The following ETNK2 variants were observed in gnomAD, a reference collection of about 807,000 sequenced individuals.
ETNK2 encodes ethanolamine kinase-like protein.
Under a neutral mutation model 46.2 loss-of-function variants are expected in ETNK2, and 33 were observed. The observed-to-expected ratio is 0.71, with a 90% CI of 0.54 to 0.96. ETNK2 has a LOEUF of 0.96. Ranked by LOEUF, ETNK2 falls within the 40% of genes least tolerant of loss-of-function variation. The pLI, the probability that ETNK2 is intolerant of heterozygous loss-of-function variation, is 0.00. For synonymous variants in ETNK2, 194 were observed against 209.0 expected (o/e 0.93, Z 0.62); for missense variants, 445 against 509.7 (o/e 0.87, Z 1.22).
At position 204,133,533 on chromosome 1, in the gene ETNK2, T is replaced by A. The variant is rs529135740; in HGVS notation, c.1088+982A>T. Among the ~76,000 whole-genome samples, 596 of 140,380 alleles carry A rather than the reference T, an allele frequency of 4.2e-3. 10 individuals carry two copies. The highest frequency in any genetic ancestry group is 0.016 in the African/African-American group (579 of 37,050). The allele number at this position is 140,380 out of a possible 152,430, so 92.1% of individuals were successfully genotyped here. ...TTTATCATTTCATTTTATTTTATTT[T>A]ATTTTTTTTTTTTTTTGAGACGGAG... On this transcript the variant is annotated intron_variant, in intron 7 of 7. Coordinates refer to ENST00000367202, the MANE Select transcript of ETNK2 (RefSeq NM_018208.4).
At chr1:204,134,804 G>C (rs2102280479) in intron 6 of ETNK2, 1 of 1,096,206 alleles carries the variant, frequency 9.1e-7, no homozygotes, top group South Asian at 1.6e-5. Context: ...GGTGGGCAGA[G>C]CTAGTTCTAC....
Position 204,149,981 on chromosome 1 carries a change from AGTGC to A in ETNK2, c.259-23_259-20del, listed in dbSNP as rs1571636739. ...TGAAGCGCTAGCATGGGGAGAGGAC[AGTGC>A]GTGGGTGGGTGGGTGGGGCAGGATC... is the stretch of plus-strand genomic sequence containing the variant. On this transcript the variant is annotated intron_variant, in intron 1 of 7. Coordinates refer to ENST00000367202, the MANE Select transcript of ETNK2 (RefSeq NM_018208.4). 5 of 116,566 alleles carry A rather than the reference AGTGC, an allele frequency of 4.3e-5. No homozygotes were observed. Among genetic ancestry groups the A allele is most frequent in the Middle Eastern group, 2.6e-3 (1 of 386 alleles). The allele number at this position is 116,566 out of a possible 1,614,324, so 7.2% of individuals were successfully genotyped here.
intron 4 of ETNK2, 39 bp downstream of exon 4, chr1:204,141,276 C>A (rs752705390): frequency 1.9e-6 from 3 of 1,613,882 alleles, no homozygotes; most frequent in South Asian, 1.1e-5. Context: ...ACCAACCAAC[C>A]AAAACCCTGC....
rs947271142 is a variant in ETNK2, at chr1:204,152,009, C to T, written c.-157G>A. 2.6e-6 allele frequency: 2 copies of T among 767,564 alleles called. No individual in the cohort carries two copies. Among genetic ancestry groups the T allele is most frequent in the East Asian group, 3.4e-5 (1 of 29,228 alleles). 47.5% of individuals were successfully genotyped at this position (767,564 alleles called of 1,614,324 possible). A position where few individuals can be genotyped will look rare whatever the true frequency, so the allele number is the denominator to read the frequency against. ...CGCCGGCTCGCGGCCCGCCGCCCACCGCCGACCCCGGAGCGCCGCGGCCCG... is the reference window on the plus strand; with the variant it reads ...CGCCGGCTCGCGGCCCGCCGCCCACTGCCGACCCCGGAGCGCCGCGGCCCG... On this transcript the variant is annotated 5_prime_UTR_variant, in exon 1 of 8. Transcript: ENST00000367202. This position sits in a 1 kb window ranked among gnomAD's most constrained non-coding sequence, Gnocchi z 4.2.
chr1:204,140,177 GT>G, intron 4 of ETNK2, 59 bp from the exon 5 acceptor site: 2 of 1,455,598 alleles, frequency 1.4e-6, no homozygotes, highest in Non-Finnish European at 1.9e-6. Flanking sequence ...ACAGAGCCTG[GT>G]CAAGCTTCCA....
intron 6 of ETNK2, 137 bp downstream of exon 6, chr1:204,136,967 G>C: frequency 8.6e-7 from 1 of 1,161,546 alleles, no homozygotes; most frequent in Non-Finnish European, 1.2e-6. Flanking sequence ...TCACCTCTAG[G>C]GTGGGGTCAG....
chr1:204,140,345 G>A (rs11240680), intron 4 of ETNK2, among the ~76,000 whole-genome samples: 82,565 of 151,658 alleles, frequency 0.54, 25,406 homozygotes, highest in Non-Finnish European at 0.68. Flanking sequence ...CCAGCTCCCA[G>A]TGTCCCTCTC....
In ETNK2 at chr1:204,131,345, G is replaced by A. The variant is rs1483666895; in HGVS notation, c.*839C>T. On this transcript the variant is annotated 3_prime_UTR_variant, in exon 8 of 8. Coordinates refer to ENST00000367202, the MANE Select transcript of ETNK2 (RefSeq NM_018208.4). The surrounding 1 kb of genome is among the most constrained non-coding windows in gnomAD (Gnocchi z 4.3). ...CGGGTCAGCTTCAGGACATAAAGTA[G>A]AGCTGGAGAGACATCCCTGGAAGGA... 6.6e-6 allele frequency: 1 copy of A among 152,318 alleles called. No homozygotes were observed. The highest frequency in any genetic ancestry group is 1.5e-5 in the Non-Finnish European group (1 of 68,118). 9.4% of individuals were successfully genotyped at this position (152,318 alleles called of 1,614,324 possible). A position where few individuals can be genotyped will look rare whatever the true frequency, so the allele number is the denominator to read the frequency against.
chr1:204,134,213 A>G (rs897365561), intron 7 of ETNK2, among the ~76,000 whole-genome samples: 2 of 152,196 alleles, frequency 1.3e-5, no homozygotes, highest in Non-Finnish European at 2.9e-5. Flanking sequence ...ATCCACCACC[A>G]GGCTCTGTGG....
At chr1:204,147,356 G>C (rs542433851) in intron 2 of ETNK2, 117 of 495,490 alleles carry the variant, frequency 2.4e-4, no homozygotes, top group Non-Finnish European at 3.8e-4. Context: ...ACAAGCCAGC[G>C]TTCTATTTTC....
At chr1:204,141,206 A>G (rs10793755) in intron 4 of ETNK2, 109 bp downstream of exon 4, 1,276,338 of 1,312,164 alleles carry the variant, frequency 0.97, 621,282 homozygotes, top group East Asian at 1. Flanking sequence ...GACCTAAATC[A>G]AGGTCTAACT....
intron 6 of ETNK2, among the ~76,000 whole-genome samples, chr1:204,136,642 G>C (rs1156419433): frequency 6.6e-6 from 1 of 150,638 alleles, no homozygotes; most frequent in African/African-American, 2.4e-5. Context: ...GAACCTGAGA[G>C]GCGGAGGTTG....
chr1:204,138,246 C>T (rs1657363732), intron 5 of ETNK2, among the ~76,000 whole-genome samples: 1 of 152,158 alleles, frequency 6.6e-6, no homozygotes, highest in Non-Finnish European at 1.5e-5. Flanking sequence ...GTGTCTTCCT[C>T]ACTCCTGCGC....
chr1:204,134,489 C>T lies in ETNK2; in HGVS notation c.1088+26G>A, dbSNP rs547120928. 1.6e-5 allele frequency: 25 copies of T among 1,611,294 alleles called. No homozygotes were observed. The East Asian group carries it at 4.2e-4, about 27-fold the overall frequency. On this transcript the variant is annotated intron_variant, in intron 7 of 7. Transcript: ENST00000367202. ...CAACCAAGGCTCTCCCTTTTCTCCA[C>T]GTCCCACCATCACCCCCACACTCAC...
At chr1:204,138,254 C>T (rs1427715164) in intron 5 of ETNK2, among the ~76,000 whole-genome samples, 1 of 152,156 alleles carries the variant, frequency 6.6e-6, no homozygotes, top group Non-Finnish European at 1.5e-5. Flanking sequence ...CTCACTCCTG[C>T]GCACCCATGA....
chr1:204,148,100 T>G (rs911614985), intron 2 of ETNK2, among the ~76,000 whole-genome samples: 24 of 151,820 alleles, frequency 1.6e-4, no homozygotes, highest in African/African-American at 5.8e-4. Flanking sequence ...AGGTTGGGGG[T>G]GGGGTTCAAG....
intron 7 of ETNK2, among the ~76,000 whole-genome samples, chr1:204,134,208 C>T (rs1001467448): frequency 2.0e-5 from 3 of 152,252 alleles, no homozygotes; most frequent in African/African-American, 7.2e-5. Context: ...ATCCCATCCA[C>T]CACCAGGCTC....
At chr1:204,137,076 G>A (rs966646191) in intron 6 of ETNK2, 28 bp downstream of exon 6, 2 of 1,610,920 alleles carry the variant, frequency 1.2e-6, no homozygotes, top group Middle Eastern at 1.6e-4. Context: ...CTCCTTTCCT[G>A]CCCCAGCCCT....
In ETNK2 at chr1:204,137,224, C is replaced by T. The variant is rs1657324148; in HGVS notation, c.894G>A (p.Leu298=). The change falls in exon 6 of 8, where the codon CTG becomes CTA. Residue 298 remains leucine (L), a synonymous_variant. Coordinates refer to ENST00000367202, the MANE Select transcript of ETNK2 (RefSeq NM_018208.4). ...GCAGCTGGGTCTCCCGCGCCGGGTA[C>T]AGGCAGTAATCCACCTCATTCACGC... The part of the protein sequence containing the change: ...FAGVNEVDYC[L]YPARETQLQW... 1 of 1,613,764 alleles carries T rather than the reference C, an allele frequency of 6.2e-7. No homozygotes were observed. Among genetic ancestry groups the T allele is most frequent in the South Asian group, 1.1e-5 (1 of 91,068 alleles).
Sources: gnomAD v4.1 joint callset for allele counts (sites outside exome capture counted in the v4.1 genomes callset) on GRCh38, gnomAD v4.1.1 for gene constraint, Gnocchi (gnomAD v3.1) non-coding constraint, MANE v1.5 for transcripts, NCBI Gene and HGNC (gene_info 2026-07-23, HGNC 2026-07-21) for gene names.